Variants in ZNF407 observed in about 807,000 individuals in gnomAD.
The protein encoded by ZNF407 is zinc finger protein 407.
ZNF407 carries 17 observed loss-of-function variants against 131.2 expected under a neutral mutation model. The ratio of observed to expected loss-of-function variants is 0.13; its 90% CI spans 0.09 to 0.19. The LOEUF is 0.19. ZNF407 is among the 10% of genes least tolerant of loss of function. The probability of loss-of-function intolerance (pLI) is 1.00; values close to 1 mark genes in which losing one functional copy is unlikely to be tolerated. For missense variants in ZNF407, 2,681 were observed against 2,830.6 expected (o/e 0.95, Z 1.20); for synonymous variants, 1,156 against 1,062.0 (o/e 1.09, Z -1.72).
Position 75,063,486 on chromosome 18 carries a change from G to A in ZNF407, c.5765G>A (p.Gly1922Asp). The A allele has an allele frequency of 1.3e-6, 2 of 1,597,860 alleles. No individual in the cohort carries two copies. Among genetic ancestry groups the A allele is most frequent in the Non-Finnish European group, 1.7e-6 (2 of 1,173,864 alleles). Residue 1922 changes from glycine (G) to aspartate (D), a missense_variant, in exon 9 of 9, where the codon GGC becomes GAC. Around this residue, in one of 6 missense-constraint regions of ZNF407, gnomAD observed 620 missense variants for 583.1 expected, o/e 1.06. Transcript: ENST00000299687. This position sits in a 1 kb window ranked among gnomAD's most constrained non-coding sequence, Gnocchi z 6.6. ...ACGAGTCAGAGCGGGGCACATGTAG[G>A]CAGCGTGGTGCCCGGACCCATCCTC... The part of the protein sequence containing the change: ...IATSQSGAHV[G>D]SVVPGPILPE...
At chr18:74,941,141 C>G (rs996230567) in intron 8 of ZNF407, among the ~76,000 whole-genome samples, 2 of 152,142 alleles carry the variant, frequency 1.3e-5, no homozygotes, top group African/African-American at 2.4e-5. Flanking sequence ...CAAGACTTTC[C>G]TGTTGGAGCA....
intron 3 of ZNF407, among the ~76,000 whole-genome samples, chr18:74,735,525 A>G (rs1302163674): frequency 6.6e-6 from 1 of 152,208 alleles, no homozygotes; most frequent in Non-Finnish European, 1.5e-5. Flanking sequence ...TGTCTACACA[A>G]TGGACTGTTT....
chr18:74,634,428 G>C lies in ZNF407; in HGVS notation c.3409G>C (p.Asp1137His). 1 of 1,613,490 alleles carries C rather than the reference G, an allele frequency of 6.2e-7. No homozygotes were observed. Among genetic ancestry groups the C allele is most frequent in the Non-Finnish European group, 8.5e-7 (1 of 1,179,800 alleles). ...CSILNENTNLDMSKVLCAADS... is the reference protein window; with the variant it reads ...CSILNENTNLHMSKVLCAADS... ...TATTTTAAATGAGAATACTAATTTA[G>C]ATATGTCTAAAGTGCTCTGCGCTGC... The change falls in exon 2 of 9, where the codon GAT becomes CAT. Residue 1137 changes from aspartate to histidine, a missense_variant. This residue lies in a region of ZNF407 where 1,789 missense variants were observed against 1,748.7 expected (regional missense o/e 1.02). Transcript: ENST00000299687.
intron 4 of ZNF407, among the ~76,000 whole-genome samples, chr18:74,801,697 C>T (rs1970022621): frequency 6.6e-6 from 1 of 152,148 alleles, no homozygotes; most frequent in Admixed American, 6.5e-5. Flanking sequence ...CCAGTGATAG[C>T]TGTATGGTAT....
intron 3 of ZNF407, among the ~76,000 whole-genome samples, chr18:74,717,795 C>G (rs1412488464): frequency 2.6e-5 from 4 of 152,198 alleles, no homozygotes; most frequent in African/African-American, 9.6e-5. Flanking sequence ...AATATACTTA[C>G]TGGTTCAGCA....
In ZNF407 at chr18:74,919,901, G is replaced by A. The variant is rs538244316; in HGVS notation, c.5250-613G>A. On this transcript the variant is annotated intron_variant, in intron 7 of 8. Transcript: ENST00000299687. The stretch of plus-strand genomic sequence containing the variant: ...CCCCTGATTTCAGTGGCACCGTGGC[G>A]TGGAATATATGGGCCCTCCGTTGCA... 3.9e-5 allele frequency among the ~76,000 whole-genome samples: 6 copies of A among 152,276 alleles called. No homozygotes were observed. The East Asian group carries it at 7.7e-4, about 20-fold the overall frequency.
chr18:74,753,221 G>A (rs561587649), intron 3 of ZNF407, among the ~76,000 whole-genome samples: 31 of 152,126 alleles, frequency 2.0e-4, no homozygotes, highest in Non-Finnish European at 4.1e-4. Flanking sequence ...TGTGATTTTT[G>A]CATATTGATT....
intron 3 of ZNF407, among the ~76,000 whole-genome samples, chr18:74,693,451 GTAAT>G (rs1439738373): frequency 1.3e-5 from 2 of 152,142 alleles, no homozygotes; most frequent in African/African-American, 4.8e-5. Context: ...GTGTCTGCTG[GTAAT>G]TAATCTCAGC....
intron 3 of ZNF407, among the ~76,000 whole-genome samples, chr18:74,769,001 C>T (rs1969304923): frequency 2.0e-5 from 3 of 152,214 alleles, no homozygotes; most frequent in South Asian, 2.1e-4. Context: ...TGGTCATCGT[C>T]GTCATTGTCA....
chr18:74,632,843 G>A lies in ZNF407; in HGVS notation c.1824G>A (p.Lys608=). The A allele has an allele frequency of 6.2e-7, 1 of 1,613,562 alleles. No homozygotes were observed. The highest frequency in any genetic ancestry group is 8.5e-7 in the Non-Finnish European group (1 of 1,179,850). The part of the protein sequence containing the change: ...LDEINLRDHM[K]EKHNMHFLCT... ...AAATAAATCTTAGAGACCACATGAA[G>A]GAAAAGCACAATATGCATTTTCTTT... Residue 608 remains lysine, a synonymous_variant, in exon 2 of 9, where the codon AAG becomes AAA. Transcript: ENST00000299687.
intron 4 of ZNF407, among the ~76,000 whole-genome samples, chr18:74,811,795 A>G (rs1397437244): frequency 6.6e-6 from 1 of 151,162 alleles, no homozygotes; most frequent in East Asian, 1.9e-4. Flanking sequence ...AACACCGCAT[A>G]TTCTCACTCA....
chr18:74,881,288 C>A (rs909614271), intron 6 of ZNF407, among the ~76,000 whole-genome samples, 169 bp downstream of exon 6: 1 of 152,206 alleles, frequency 6.6e-6, no homozygotes, highest in Non-Finnish European at 1.5e-5. Flanking sequence ...TAAATCATCT[C>A]TTTTTATATA....
intron 8 of ZNF407, among the ~76,000 whole-genome samples, chr18:74,956,251 C>T (rs1043046761): frequency 4.0e-5 from 6 of 151,872 alleles, no homozygotes; most frequent in East Asian, 2.0e-4. Flanking sequence ...TCCAGCTCTC[C>T]GTCCTGCTTG....
intron 8 of ZNF407, among the ~76,000 whole-genome samples, chr18:74,946,492 A>G (rs926628920): frequency 6.6e-6 from 1 of 152,204 alleles, no homozygotes; most frequent in Non-Finnish European, 1.5e-5. Flanking sequence ...GTAAATTGTT[A>G]AAAAAATGAA....
chr18:74,672,912 A>G (rs145187529), intron 3 of ZNF407, among the ~76,000 whole-genome samples: 34 of 152,290 alleles, frequency 2.2e-4, no homozygotes, highest in Admixed American at 4.6e-4. Flanking sequence ...AGATTATGGT[A>G]TGAGAAGAGT....
intron 8 of ZNF407, among the ~76,000 whole-genome samples, chr18:75,004,487 C>T (rs1444665305): frequency 6.6e-6 from 1 of 152,204 alleles, no homozygotes; most frequent in Non-Finnish European, 1.5e-5. Context: ...ATGCTGTTGC[C>T]TGCTGGTGCT....
chr18:74,633,410 T>A lies in ZNF407; in HGVS notation c.2391T>A (p.Ile797=), dbSNP rs890008527. 2.5e-6 allele frequency: 4 copies of A among 1,613,974 alleles called. No homozygotes were observed. In the East Asian group the frequency reaches 6.7e-5, roughly 27 times the overall value. The stretch of plus-strand genomic sequence containing the variant: ...TTGATGTTTCCGGAAATGGAAGGAT[T>A]GAAGGCCATATAGGTGTGCAATTAC... ...EEFDVSGNGR[I]EGHIGVQLQE... is the part of the protein sequence containing the mutation. Residue 797 remains isoleucine, a synonymous_variant, in exon 2 of 9, where the codon ATT becomes ATA. Transcript: ENST00000299687.
chr18:75,004,297 A>G (rs1051092780), intron 8 of ZNF407, among the ~76,000 whole-genome samples: 2 of 152,178 alleles, frequency 1.3e-5, no homozygotes, highest in African/African-American at 4.8e-5. Context: ...GGGCTAATTT[A>G]GGATAGGAGA....
intron 3 of ZNF407, among the ~76,000 whole-genome samples, chr18:74,726,542 A>G (rs1968163129): frequency 6.6e-6 from 1 of 152,220 alleles, no homozygotes; most frequent in African/African-American, 2.4e-5. Context: ...TGGAATATGT[A>G]TATATGTATT....
Sources: gnomAD v4.1 joint callset for allele counts (sites outside exome capture counted in the v4.1 genomes callset) on GRCh38, gnomAD v4.1.1 for gene constraint, gnomAD v4.1.1 regional missense constraint, Gnocchi (gnomAD v3.1) non-coding constraint, MANE v1.5 for transcripts, NCBI Gene and HGNC (gene_info 2026-07-23, HGNC 2026-07-21) for gene names.